Variants in WNK2 observed in about 807,000 individuals in gnomAD.
WNK2 encodes the protein serine/threonine-protein kinase WNK2.
A neutral mutation model predicts 192.1 loss-of-function variants in WNK2; 67 were observed. The observed-to-expected ratio is 0.35, with a 90% CI of 0.29 to 0.43. WNK2 has a LOEUF of 0.43. Among genes scored for constraint, WNK2 ranks in the 20% least tolerant of loss-of-function variants. The pLI, the probability that WNK2 is intolerant of heterozygous loss-of-function variation, is 1.00. For missense variants in WNK2, 2,698 were observed against 3,089.7 expected, an observed-to-expected ratio of 0.87 and a Z score of 3.01; for synonymous variants, 1,439 against 1,393.9, an observed-to-expected ratio of 1.03 and a Z score of -0.72.
At chr9:93,226,087 C>T (rs1837765643) in intron 2 of WNK2, among the ~76,000 whole-genome samples, 1 of 152,238 alleles carries the variant, frequency 6.6e-6, no homozygotes, top group African/African-American at 2.4e-5. Flanking sequence ...GTGTAGAATT[C>T]TGAGTTAGCA....
rs769826711 is a variant in WNK2, at chr9:93,289,163, C to A, written c.4409C>A (p.Ala1470Asp). The A allele has an allele frequency of 2.5e-6, 4 of 1,600,422 alleles. No individual in the cohort carries two copies. In the Admixed American group the frequency reaches 5.0e-5, roughly 20 times the overall value. Residue 1470 changes from alanine (A) to aspartate (D), a missense_variant, in exon 20 of 30, where the codon GCC (alanine) becomes GAC (aspartate). Around this residue, in one of 7 missense-constraint regions of WNK2, gnomAD observed 1,098 missense variants for 1,101.0 expected, o/e 1.00. Transcript: ENST00000427277. The part of the protein sequence containing the change: ...PEAASTRDAS[A>D]PREPLPPPAP... Reference sequence around the variant, plus strand: ...GCTGCCTCAACCAGGGACGCCAGTGCCCCAAGGGAGCCCCTGCCACCTCCT... The same window carrying A: ...GCTGCCTCAACCAGGGACGCCAGTGACCCAAGGGAGCCCCTGCCACCTCCT...
intron 2 of WNK2, among the ~76,000 whole-genome samples, chr9:93,186,343 T>A (rs961845012): frequency 4.6e-5 from 7 of 152,174 alleles, no homozygotes; most frequent in African/African-American, 1.7e-4. Flanking sequence ...GGCATGCATT[T>A]TTCATAATCC....
Position 93,185,484 on chromosome 9 carries a change from C to T in WNK2, c.555C>T (p.Ala185=), listed in dbSNP as rs1264462365. 6.2e-7 allele frequency: 1 copy of T among 1,612,792 alleles called. No individual in the cohort carries two copies. Among genetic ancestry groups the T allele is most frequent in the Admixed American group, 1.7e-5 (1 of 60,002 alleles). ...EEEDDEDDLK[A]VATSLDGRFL... ...AGGACGACGAGGACGACCTCAAGGC[C>T]GTGGCCACCTCTCTGGACGGCCGCT... is the stretch of plus-strand genomic sequence containing the variant. Residue 185 remains alanine, a synonymous_variant, in exon 2 of 30, where the codon GCC becomes GCT. Transcript: ENST00000427277.
chr9:93,265,886 A>G (rs1845086910), intron 16 of WNK2, among the ~76,000 whole-genome samples: 1 of 152,230 alleles, frequency 6.6e-6, no homozygotes, highest in Non-Finnish European at 1.5e-5. Context: ...TAAGTCCTGC[A>G]CAGTAAGCAA....
rs776586254 is a variant in WNK2, at chr9:93,317,943, T to G, written c.6628+312T>G. The G allele has an allele frequency of 6.8e-6, 11 of 1,610,232 alleles. No individual in the cohort carries two copies. In the Admixed American group the frequency reaches 1.0e-4, roughly 15 times the overall value. On this transcript the variant is annotated intron_variant, in intron 29 of 29. Transcript: ENST00000427277. ...TCCGAGTCCCCCCCACCGCCTGCTG[T>G]GGGCACAGCACTCAGCCGCGAGGGG...
At chr9:93,277,603 T>A (rs185617265) in intron 19 of WNK2, among the ~76,000 whole-genome samples, 7 of 152,332 alleles carry the variant, frequency 4.6e-5, no homozygotes, top group African/African-American at 1.4e-4. Flanking sequence ...CTTCATACTG[T>A]ATAATTCCAT....
At position 93,247,573 on chromosome 9, in the gene WNK2, G is replaced by A. The variant is rs368033232; in HGVS notation, c.1573G>A (p.Val525Ile). 20 of 1,610,066 alleles carry A rather than the reference G, an allele frequency of 1.2e-5. No individual in the cohort carries two copies. The highest frequency in any genetic ancestry group is 4.5e-5 in the East Asian group (2 of 44,794). ...GTCTGGATTCTTCCACGAGAGTGAC[G>A]TCAAGATCGTGGCCAAGTCCATCCG... is the stretch of plus-strand genomic sequence containing the variant. ...IESGFFHESD[V>I]KIVAKSIRDR... The change falls in exon 8 of 30, where the codon GTC becomes ATC. Residue 525 changes from valine (V) to isoleucine (I), a missense_variant. Coordinates refer to ENST00000427277, the MANE Select transcript of WNK2 (RefSeq NM_006648.4). The surrounding 1 kb of genome is among the most constrained non-coding windows in gnomAD (Gnocchi z 5.2).
chr9:93,232,251 A>T (rs1365743009), intron 4 of WNK2, among the ~76,000 whole-genome samples: 1 of 152,192 alleles, frequency 6.6e-6, no homozygotes, highest in East Asian at 1.9e-4. Flanking sequence ...AGAATGTGAC[A>T]TCTGGGGCAA....
chr9:93,302,302 A>G (rs1191867161), intron 26 of WNK2, among the ~76,000 whole-genome samples: 2 of 152,062 alleles, frequency 1.3e-5, no homozygotes. Context: ...GGTTGCAGGC[A>G]GGGGTAGTGT....
Position 93,288,666 on chromosome 9 carries a change from CAG to C in WNK2, c.4034-118_4034-117del, listed in dbSNP as rs749546389. On this transcript the variant is annotated intron_variant, in intron 19 of 29. Coordinates refer to ENST00000427277, the MANE Select transcript of WNK2 (RefSeq NM_006648.4). Reference sequence around the variant, plus strand: ...GGCAGGAGCCTGGCGTGTCGGGAAACAGAGAAGACCAGCACGCTGGGGCCATG... The same window carrying C: ...GGCAGGAGCCTGGCGTGTCGGGAAACAGAAGACCAGCACGCTGGGGCCATG... 3.9e-4 allele frequency: 403 copies of C among 1,039,282 alleles called. 2 individuals are homozygous for C. In the Middle Eastern group the frequency reaches 0.015, roughly 38 times the overall value. The allele number at this position is 1,039,282 out of a possible 1,614,324, so 64.4% of individuals were successfully genotyped here.
Position 93,263,607 on chromosome 9 carries a change from A to G in WNK2, c.3452A>G (p.Asp1151Gly). The G allele has an allele frequency of 6.2e-7, 1 of 1,610,528 alleles. No individual in the cohort carries two copies. The highest frequency in any genetic ancestry group is 8.5e-7 in the Non-Finnish European group (1 of 1,179,082). Residue 1151 changes from aspartate to glycine, a missense_variant, in exon 15 of 30, where the codon GAC becomes GGC. Transcript: ENST00000427277. ...GTCACTTCTGGAAAAGAGCTGAGTG[A>G]CAGCTGTGAAGGCGCCTTTGGAGGG... ...SDVTSGKELS[D>G]SCEGAFGGGR...
intron 9 of WNK2, among the ~76,000 whole-genome samples, chr9:93,255,913 C>G (rs1473524754): frequency 1.3e-5 from 2 of 152,248 alleles, no homozygotes; most frequent in Non-Finnish European, 2.9e-5. Flanking sequence ...GCCCGTTTCT[C>G]TCCATATCGT....
intron 2 of WNK2, among the ~76,000 whole-genome samples, chr9:93,197,401 G>A (rs1831464926): frequency 6.6e-6 from 1 of 152,194 alleles, no homozygotes; most frequent in Non-Finnish European, 1.5e-5. Context: ...GTGTCTGGTT[G>A]TCATGTCAAT....
chr9:93,202,293 C>T (rs1324428241), intron 2 of WNK2, among the ~76,000 whole-genome samples: 1 of 150,966 alleles, frequency 6.6e-6, no homozygotes, highest in Non-Finnish European at 1.5e-5. Context: ...ACCTGGTATG[C>T]TTCTCAGGGC....
intron 2 of WNK2, among the ~76,000 whole-genome samples, chr9:93,220,916 A>G (rs537695692): frequency 3.9e-5 from 6 of 152,112 alleles, no homozygotes; most frequent in Admixed American, 2.0e-4. Flanking sequence ...CCTCTTCTTT[A>G]TCTTGGCCTT....
Position 93,292,577 on chromosome 9 carries a change from G to A in WNK2, c.5112G>A (p.Pro1704=), listed in dbSNP as rs1382275162. The A allele has an allele frequency of 2.4e-5, 38 of 1,571,450 alleles. No individual in the cohort carries two copies. Among genetic ancestry groups the A allele is most frequent in the Middle Eastern group, 1.7e-4 (1 of 5,852 alleles). Reference sequence around the variant, plus strand: ...CTGGAGAAAGCTCGGCAGAGCCCCCGCCGAGTGACATGGGCACAGTGGGGG... The same window carrying A: ...CTGGAGAAAGCTCGGCAGAGCCCCCACCGAGTGACATGGGCACAGTGGGGG... ...GEAGESSAEP[P]PSDMGTVGGQ... is the part of the protein sequence containing the mutation. The change falls in exon 23 of 30, where the codon CCG becomes CCA. Residue 1704 remains proline, a synonymous_variant. Coordinates refer to ENST00000427277, the MANE Select transcript of WNK2 (RefSeq NM_006648.4).
intron 2 of WNK2, among the ~76,000 whole-genome samples, chr9:93,192,664 T>C (rs1830542692): frequency 6.6e-6 from 1 of 152,076 alleles, no homozygotes; most frequent in Non-Finnish European, 1.5e-5. Context: ...GCCAGAACTG[T>C]TTCAAAACAT....
In WNK2 at chr9:93,229,162, A is replaced by G. The variant is rs1838317912; in HGVS notation, c.682-534A>G. On this transcript the variant is annotated intron_variant, in intron 2 of 29. Transcript: ENST00000427277. This position sits in a 1 kb window ranked among gnomAD's most constrained non-coding sequence, Gnocchi z 4.9. The stretch of plus-strand genomic sequence containing the variant: ...AGGTGTCTGCTGTGTCCTCCTGCAC[A>G]GGAGGGCCTGGGCTGCCCTCTGGGC... Among the ~76,000 whole-genome samples, 1 of 152,128 alleles carries G rather than the reference A, an allele frequency of 6.6e-6. No homozygotes were observed. The highest frequency in any genetic ancestry group is 1.5e-5 in the Non-Finnish European group (1 of 68,018).
intron 29 of WNK2, chr9:93,318,576 G>T: frequency 6.2e-7 from 1 of 1,611,580 alleles, no homozygotes; most frequent in Non-Finnish European, 8.5e-7. Context: ...GGTGTGTGTT[G>T]GGCATAGAAA....
Sources: allele counts gnomAD v4.1 joint callset (sites outside exome capture counted in the v4.1 genomes callset), GRCh38; gene constraint gnomAD v4.1.1; regional missense constraint gnomAD v4.1.1; non-coding constraint Gnocchi (gnomAD v3.1); transcripts MANE v1.5; gene names NCBI Gene and HGNC (gene_info 2026-07-23, HGNC 2026-07-21).